The following LHFPL3 variants were observed in gnomAD, a reference collection of about 807,000 sequenced individuals.
The protein encoded by LHFPL3 is LHFPL tetraspan subfamily member 3 protein.
In LHFPL3, 5 loss-of-function variants were observed where a neutral mutation model predicts 19.3. That is an observed-to-expected ratio of 0.26 (90% CI 0.14 to 0.54). The LOEUF (loss-of-function observed/expected upper bound fraction) is 0.54, where lower values mean the gene tolerates loss of function less well. LHFPL3 is among the 20% of genes least tolerant of loss of function. The pLI, the probability that LHFPL3 is intolerant of heterozygous loss-of-function variation, is 0.94. For missense variants in LHFPL3, 249 were observed against 307.4 expected (o/e 0.81, Z 1.42); for synonymous variants, 133 against 126.2 (o/e 1.05, Z -0.36).
At chr7:104,422,498 A>G (rs1393394753) in intron 1 of LHFPL3, among the ~76,000 whole-genome samples, 4 of 152,222 alleles carry the variant, frequency 2.6e-5, no homozygotes, top group African/African-American at 9.7e-5. Flanking sequence ...TTCTCCTCCA[A>G]AATAAATTAA....
rs137936883 is a variant in LHFPL3, at chr7:104,610,923, C to T, written c.446-125752C>T. ...CAAACACACACTCAGTTTGAATTCC[C>T]AGTTTCTGGTTGTCTGGAACAACCA... On this transcript the variant is annotated intron_variant, in intron 1 of 2. Coordinates refer to ENST00000424859, the MANE Select transcript of LHFPL3 (RefSeq NM_199000.3). Among the ~76,000 whole-genome samples the T allele has an allele frequency of 2.1e-3, 319 of 152,294 alleles. 2 individuals are homozygous for T. The highest frequency in any genetic ancestry group is 7.2e-3 in the African/African-American group (299 of 41,568).
At chr7:104,423,942 GT>G (rs1791786601) in intron 1 of LHFPL3, among the ~76,000 whole-genome samples, 1 of 152,222 alleles carries the variant, frequency 6.6e-6, no homozygotes, top group Non-Finnish European at 1.5e-5. Flanking sequence ...AGTCCAAAAG[GT>G]TTGCAGAGAA....
At position 104,762,927 on chromosome 7, in the gene LHFPL3, C is replaced by T. The variant is rs576522160; in HGVS notation, c.682+26016C>T. Among the ~76,000 whole-genome samples the T allele has an allele frequency of 4.6e-5, 7 of 152,290 alleles. No homozygotes were observed. In the East Asian group the frequency reaches 1.2e-3, roughly 25 times the overall value. On this transcript the variant is annotated intron_variant, in intron 2 of 2. Coordinates refer to ENST00000424859, the MANE Select transcript of LHFPL3 (RefSeq NM_199000.3). Reference sequence around the variant, plus strand: ...GTCTGCATGCTAACCCAAGGCTCTGCAGTCTGCCCCAGAACCAAGGAAGGA... The same window carrying T: ...GTCTGCATGCTAACCCAAGGCTCTGTAGTCTGCCCCAGAACCAAGGAAGGA...
chr7:104,370,926 T>C (rs1790601671), intron 1 of LHFPL3, among the ~76,000 whole-genome samples: 1 of 152,228 alleles, frequency 6.6e-6, no homozygotes, highest in Non-Finnish European at 1.5e-5. Context: ...TTATGTAACT[T>C]TCTTAAGCTA....
At chr7:104,645,247 A>C (rs1288675037) in intron 1 of LHFPL3, among the ~76,000 whole-genome samples, 1 of 151,122 alleles carries the variant, frequency 6.6e-6, no homozygotes, top group Non-Finnish European at 1.5e-5. Context: ...CATTTCTCCA[A>C]CTCTGTTTTT....
intron 1 of LHFPL3, among the ~76,000 whole-genome samples, chr7:104,574,683 CCTAA>C (rs1790289964): frequency 6.6e-6 from 1 of 152,050 alleles, no homozygotes; most frequent in East Asian, 1.9e-4. Flanking sequence ...TAAATAGAAA[CCTAA>C]CTACCTACTC....
intron 2 of LHFPL3, among the ~76,000 whole-genome samples, chr7:104,820,791 C>T (rs1455279218): frequency 6.6e-6 from 1 of 152,180 alleles, no homozygotes; most frequent in Non-Finnish European, 1.5e-5. Context: ...AAGGTCCTGG[C>T]TATATCCTCT....
intron 1 of LHFPL3, among the ~76,000 whole-genome samples, chr7:104,520,697 T>C (rs1794038948): frequency 7.2e-6 from 1 of 138,782 alleles, no homozygotes; most frequent in Non-Finnish European, 1.6e-5. Context: ...TGTCAAGGAA[T>C]TTATCTATTT....
chr7:104,593,002 G>T (rs1790758939), intron 1 of LHFPL3, among the ~76,000 whole-genome samples: 1 of 152,100 alleles, frequency 6.6e-6, no homozygotes, highest in East Asian at 1.9e-4. Context: ...TGGATTCATT[G>T]ATTTTTTTTG....
chr7:104,598,201 T>C (rs1790900367), intron 1 of LHFPL3, among the ~76,000 whole-genome samples: 1 of 152,168 alleles, frequency 6.6e-6, no homozygotes, highest in Non-Finnish European at 1.5e-5. Context: ...GACTAGCAAC[T>C]AACAGCACAA....
chr7:104,508,297 A>G (rs1793740284), intron 1 of LHFPL3, among the ~76,000 whole-genome samples: 3 of 151,934 alleles, frequency 2.0e-5, no homozygotes, highest in Non-Finnish European at 4.4e-5. Context: ...TGATGAGTTC[A>G]TGTCCTTTGC....
intron 1 of LHFPL3, among the ~76,000 whole-genome samples, chr7:104,606,679 G>A (rs1191185391): frequency 6.6e-6 from 1 of 152,148 alleles, no homozygotes; most frequent in Non-Finnish European, 1.5e-5. Context: ...TCAGCATTGC[G>A]ATGGAGAGTT....
intron 1 of LHFPL3, among the ~76,000 whole-genome samples, chr7:104,729,422 T>C (rs954089850): frequency 6.6e-6 from 1 of 152,172 alleles, no homozygotes; most frequent in African/African-American, 2.4e-5. Context: ...TAATATAATG[T>C]TGTTAACTAA....
chr7:104,531,926 A>G, intron 1 of LHFPL3, among the ~76,000 whole-genome samples: 1 of 151,902 alleles, frequency 6.6e-6, no homozygotes, highest in Non-Finnish European at 1.5e-5. Context: ...CAGGATGCAG[A>G]TTGGTGGCTT....
intron 2 of LHFPL3, among the ~76,000 whole-genome samples, chr7:104,771,503 C>T (rs1794550299): frequency 6.6e-6 from 1 of 152,016 alleles, no homozygotes; most frequent in Non-Finnish European, 1.5e-5. Flanking sequence ...GAGAATATAG[C>T]CATATTCTCC....
chr7:104,447,657 C>G (rs189443653), intron 1 of LHFPL3, among the ~76,000 whole-genome samples: 2 of 152,004 alleles, frequency 1.3e-5, no homozygotes, highest in African/African-American at 4.8e-5. Flanking sequence ...TCTGGGAACC[C>G]TAGGCTAGGG....
chr7:104,489,113 C>T (rs1793291445), intron 1 of LHFPL3, among the ~76,000 whole-genome samples: 2 of 32,872 alleles, frequency 6.1e-5, no homozygotes, highest in Non-Finnish European at 2.1e-4. Context: ...GACGGAGTCT[C>T]GCTCTGTCGC....
intron 2 of LHFPL3, among the ~76,000 whole-genome samples, chr7:104,750,007 C>T (rs1794131790): frequency 6.6e-6 from 1 of 152,086 alleles, no homozygotes; most frequent in South Asian, 2.1e-4. Context: ...ACTCATGGGG[C>T]TATATAATGG....
intron 1 of LHFPL3, among the ~76,000 whole-genome samples, chr7:104,467,566 T>G (rs538380073): frequency 6.6e-6 from 1 of 152,356 alleles, no homozygotes; most frequent in South Asian, 2.1e-4. Flanking sequence ...TAATCTCTTT[T>G]ATTATCCCCG....
Sources: allele counts gnomAD v4.1 joint callset (sites outside exome capture counted in the v4.1 genomes callset), GRCh38; gene constraint gnomAD v4.1.1; transcripts MANE v1.5; gene names NCBI Gene and HGNC (gene_info 2026-07-23, HGNC 2026-07-21).